The following HAVCR1 variants were observed in gnomAD, a reference collection of about 807,000 sequenced individuals.
The protein encoded by HAVCR1 is hepatitis A virus cellular receptor 1, also known as T cell immunoglobin domain and mucin domain protein 1.
Under a neutral mutation model 32.0 loss-of-function variants are expected in HAVCR1, and 34 were observed. The ratio of observed to expected loss-of-function variants is 1.06; its 90% CI spans 0.81 to 1.42. The LOEUF is 1.42. Among genes scored for constraint, HAVCR1 ranks in the 40% most tolerant of loss-of-function variants. The probability of loss-of-function intolerance (pLI) is 0.00; values close to 1 mark genes in which losing one functional copy is unlikely to be tolerated. For missense variants in HAVCR1, 420 were observed against 442.3 expected, an observed-to-expected ratio of 0.95 and a Z score of 0.45; for synonymous variants, 178 against 170.3, an observed-to-expected ratio of 1.05 and a Z score of -0.35.
upstream of HAVCR1, among the ~76,000 whole-genome samples, chr5:157,059,585 G>A (rs2113658173): frequency 2.0e-5 from 3 of 152,336 alleles, no homozygotes; most frequent in South Asian, 6.2e-4. Flanking sequence ...TGAGGTAGAA[G>A]AATTGCTTGA....
At position 157,052,343 on chromosome 5, in the gene HAVCR1, C is replaced by G; in HGVS notation, c.673+18G>C. On this transcript the variant is annotated intron_variant, in intron 4 of 8. Transcript: ENST00000523175. ...CCTCATTAGAAGGCCTTTGGGCTTC[C>G]AAACACATCTGTTTTACCTGGTTCA... The G allele has an allele frequency of 6.2e-7, 1 of 1,612,262 alleles. No individual in the cohort carries two copies. The highest frequency in any genetic ancestry group is 8.5e-7 in the Non-Finnish European group (1 of 1,178,422).
intron 4 of HAVCR1, among the ~76,000 whole-genome samples, chr5:157,050,333 C>T (rs1403289481): frequency 6.6e-6 from 1 of 152,120 alleles, no homozygotes; most frequent in Admixed American, 6.6e-5. Context: ...AGTTTGGGTC[C>T]TTATGGCATC....
At chr5:157,045,138 C>T (rs6555820) in intron 5 of HAVCR1, among the ~76,000 whole-genome samples, 5 of 151,802 alleles carry the variant, frequency 3.3e-5, no homozygotes, top group Middle Eastern at 3.4e-3. Flanking sequence ...AGGCACAGAA[C>T]GATATTAACA....
chr5:157,056,670 A>G (rs4704838), intron 2 of HAVCR1, among the ~76,000 whole-genome samples: 51,524 of 151,764 alleles, frequency 0.34, 10,284 homozygotes, highest in East Asian at 0.58. Flanking sequence ...GTGAGCCACC[A>G]CGCCCGGCCA....
chr5:157,052,717 G>A (rs1445805564), intron 3 of HAVCR1, 63 bp from the exon 4 acceptor site: 4 of 1,374,216 alleles, frequency 2.9e-6, no homozygotes, highest in Non-Finnish European at 4.1e-6. Context: ...GCCTCAGGCT[G>A]GAACTGTACC....
upstream of HAVCR1, among the ~76,000 whole-genome samples, chr5:157,063,546 A>G (rs1339441349): frequency 6.6e-6 from 1 of 151,860 alleles, no homozygotes; most frequent in Non-Finnish European, 1.5e-5. Flanking sequence ...TGGCCTCCCA[A>G]AGTGCTGGGA....
chr5:157,035,178 AT>A (rs36072678), intron 7 of HAVCR1, among the ~76,000 whole-genome samples: 1,712 of 148,900 alleles, frequency 0.011, 7 homozygotes, highest in Non-Finnish European at 0.014. Context: ...CTAATAATCT[AT>A]TTTTTTTTTG....
chr5:157,032,106 AC>A (rs145292071), intron 8 of HAVCR1, among the ~76,000 whole-genome samples: 2,465 of 152,322 alleles, frequency 0.016, 72 homozygotes, highest in African/African-American at 0.057. Context: ...ATGTAAAAGA[AC>A]CATGCTTATT....
intron 5 of HAVCR1, among the ~76,000 whole-genome samples, chr5:157,044,427 GAAAGAAAGAAAGAAA>G: frequency 3.7e-5 from 1 of 27,240 alleles, no homozygotes; most frequent in African/African-American, 1.7e-4. Context: ...GAAGGAGAAA[GAAAGAAAGAAAGAAA>G]GAAAGAAAGA....
intron 3 of HAVCR1, among the ~76,000 whole-genome samples, chr5:157,053,595 C>T (rs1329030661): frequency 1.3e-5 from 2 of 152,208 alleles, no homozygotes; most frequent in East Asian, 1.9e-4. Context: ...AACGGCCGGG[C>T]GCGGCAGCTC....
chr5:157,040,426 G>A (rs1754819567), intron 6 of HAVCR1, among the ~76,000 whole-genome samples: 1 of 152,238 alleles, frequency 6.6e-6, no homozygotes, highest in Non-Finnish European at 1.5e-5. Context: ...TATTTAGCCA[G>A]TATGTCAGAT....
intron 7 of HAVCR1, among the ~76,000 whole-genome samples, chr5:157,035,263 AAC>A (rs1754459616): frequency 6.6e-6 from 1 of 152,198 alleles, no homozygotes; most frequent in African/African-American, 2.4e-5. Context: ...ATTTCTAAAT[AAC>A]TTTGACTAAG....
chr5:157,045,397 G>A (rs555526432), intron 5 of HAVCR1, among the ~76,000 whole-genome samples: 13 of 152,258 alleles, frequency 8.5e-5, no homozygotes, highest in South Asian at 4.1e-4. Context: ...TAAAGTGGTT[G>A]GCACTAAGCT....
At chr5:157,042,737 T>G in intron 5 of HAVCR1, 55 bp from the exon 6 acceptor site, 1 of 1,025,028 alleles carries the variant, frequency 9.8e-7, no homozygotes, top group Non-Finnish European at 1.5e-6. Context: ...GAATTTTCAC[T>G]GCAGACACTA....
At chr5:157,040,512 G>A (rs930968003) in intron 6 of HAVCR1, among the ~76,000 whole-genome samples, 2 of 152,124 alleles carry the variant, frequency 1.3e-5, no homozygotes, top group African/African-American at 4.8e-5. Context: ...TGTCACTAAG[G>A]TATTTGGCTC....
At chr5:157,042,542 TACAG>T in intron 6 of HAVCR1, 81 bp downstream of exon 6, 1 of 798,070 alleles carries the variant, frequency 1.3e-6, no homozygotes, top group Non-Finnish European at 2.1e-6. Context: ...GGGCTAGTCT[TACAG>T]ACATAGTCTT....
intron 8 of HAVCR1, among the ~76,000 whole-genome samples, chr5:157,031,587 G>C (rs1754173454): frequency 2.0e-5 from 3 of 152,098 alleles, no homozygotes; most frequent in Non-Finnish European, 4.4e-5. Context: ...ACTTTGGGAG[G>C]CCAAGGTAGG....
the HAVCR1 span, among the ~76,000 whole-genome samples, chr5:157,067,824 G>A: frequency 6.6e-6 from 1 of 152,136 alleles, no homozygotes; most frequent in Admixed American, 6.6e-5. Context: ...TTACAGGCAT[G>A]TGCCACCACA....
At chr5:157,057,044 C>T (rs1011067133) in intron 2 of HAVCR1, among the ~76,000 whole-genome samples, 5 of 151,774 alleles carry the variant, frequency 3.3e-5, no homozygotes, top group East Asian at 1.9e-4. Flanking sequence ...AGGCCAGGCG[C>T]GGTGACTCAC....
Sources: allele counts gnomAD v4.1 joint callset (sites outside exome capture counted in the v4.1 genomes callset), GRCh38; gene constraint gnomAD v4.1.1; transcripts MANE v1.5; gene names NCBI Gene and HGNC (gene_info 2026-07-23, HGNC 2026-07-21).